TMEM53: variants seen among roughly 807,000 people sequenced by gnomAD.
The protein encoded by TMEM53 is transmembrane protein 53.
A neutral mutation model predicts 21.4 loss-of-function variants in TMEM53; 14 were observed. The observed-to-expected ratio is 0.65, with a 90% CI of 0.43 to 1.02. The LOEUF (loss-of-function observed/expected upper bound fraction) is 1.02, where lower values mean the gene tolerates loss of function less well. Ranked by LOEUF, TMEM53 falls within the 50% of genes least tolerant of loss-of-function variation. The probability of loss-of-function intolerance (pLI) is 0.00; values close to 1 mark genes in which losing one functional copy is unlikely to be tolerated. For synonymous variants in TMEM53, 148 were observed against 157.4 expected, an observed-to-expected ratio of 0.94 and a Z score of 0.45; for missense variants, 323 against 383.6, an observed-to-expected ratio of 0.84 and a Z score of 1.32.
chr1:44,664,808 A>T (rs76792128), intron 1 of TMEM53, among the ~76,000 whole-genome samples: 34,722 of 151,994 alleles, frequency 0.23, 5,258 homozygotes, highest in Middle Eastern at 0.35. Context: ...AGCTACTATT[A>T]CTATCCCCAT....
chr1:44,661,636 TAAC>T (rs1054623887), intron 1 of TMEM53, among the ~76,000 whole-genome samples: 5 of 152,154 alleles, frequency 3.3e-5, no homozygotes, highest in African/African-American at 7.2e-5. Context: ...TTAACCCTTA[TAAC>T]AATACTCTAA....
intron 1 of TMEM53, among the ~76,000 whole-genome samples, chr1:44,671,593 C>G (rs1212168629): frequency 6.6e-6 from 1 of 152,104 alleles, no homozygotes; most frequent in Admixed American, 6.5e-5. Context: ...AAGACTCTGT[C>G]TCCATATAAG....
At chr1:44,674,122 CG>C (rs777028510) in intron 1 of TMEM53, 961 of 985,124 alleles carry the variant, frequency 9.8e-4, no homozygotes, top group Non-Finnish European at 1.1e-3. Context: ...CGGGCAGAGG[CG>C]GGGCTCGCCA....
At chr1:44,664,920 G>A (rs1364971674) in intron 1 of TMEM53, among the ~76,000 whole-genome samples, 5 of 151,870 alleles carry the variant, frequency 3.3e-5, no homozygotes, top group South Asian at 2.1e-4. Context: ...CCGGACCAGC[G>A]TGCTCTACCG....
chr1:44,663,301 C>T (rs1213346399), intron 1 of TMEM53, among the ~76,000 whole-genome samples: 1 of 152,142 alleles, frequency 6.6e-6, no homozygotes, highest in Non-Finnish European at 1.5e-5. Flanking sequence ...AGTGAAGTGG[C>T]GCGATCTTGG....
intron 1 of TMEM53, among the ~76,000 whole-genome samples, chr1:44,663,007 A>G (rs1443826504): frequency 1.3e-5 from 2 of 152,168 alleles, no homozygotes; most frequent in East Asian, 3.9e-4. Context: ...GGCACCCTGG[A>G]GAGACTGCCT....
chr1:44,663,479 A>C (rs1336001650), intron 1 of TMEM53, among the ~76,000 whole-genome samples: 1 of 152,126 alleles, frequency 6.6e-6, no homozygotes, highest in Non-Finnish European at 1.5e-5. Context: ...GAGCTCAGGC[A>C]ATCCACCCGC....
In TMEM53 at chr1:44,674,439, T is replaced by G. The variant is rs113477151; in HGVS notation, c.-48A>C. ...ACGGGTCTCCAGCCGGAACTCCCGCTTGCGCACCCGTGCCTCACCCGGGCG... is the reference window on the plus strand; with the variant it reads ...ACGGGTCTCCAGCCGGAACTCCCGCGTGCGCACCCGTGCCTCACCCGGGCG... On this transcript the variant is annotated 5_prime_UTR_variant, in exon 1 of 3. Transcript: ENST00000372237. The G allele has an allele frequency of 0.016, 25,147 of 1,579,358 alleles. 827 individuals are homozygous for G. Among genetic ancestry groups the G allele is most frequent in the Admixed American group, 0.11 (5,886 of 53,652 alleles).
chr1:44,656,461 C>A (rs1271754951), intron 2 of TMEM53, among the ~76,000 whole-genome samples: 1 of 152,148 alleles, frequency 6.6e-6, no homozygotes, highest in African/African-American at 2.4e-5. Context: ...AGCCGCCTGA[C>A]CTCCTAGCCC....
chr1:44,667,868 A>G (rs1281554303), intron 1 of TMEM53, among the ~76,000 whole-genome samples: 1 of 152,154 alleles, frequency 6.6e-6, no homozygotes. Flanking sequence ...CAACCCTAGC[A>G]CTTCTCGAGT....
chr1:44,668,471 G>T (rs1319228646), intron 1 of TMEM53, among the ~76,000 whole-genome samples: 1 of 151,958 alleles, frequency 6.6e-6, no homozygotes, highest in South Asian at 2.1e-4. Context: ...GCAAAAAATT[G>T]AAAGAGTCTT....
Position 44,653,328 on chromosome 1 carries a change from G to A in TMEM53, c.*1231C>T, listed in dbSNP as rs1573213018. ...GACTTCTAGAATGATCAATGATACT[G>A]AACTATCAGGCTGAATTCACCTCTT... On this transcript the variant is annotated 3_prime_UTR_variant, in exon 3 of 3. Transcript: ENST00000372237. The A allele has an allele frequency of 6.6e-6, 1 of 152,222 alleles. No individual in the cohort carries two copies. Among genetic ancestry groups the A allele is most frequent in the Admixed American group, 6.5e-5 (1 of 15,278 alleles). The allele number at this position is 152,222 out of a possible 1,614,324, so 9.4% of individuals were successfully genotyped here. A position where few individuals can be genotyped will look rare whatever the true frequency, so the allele number is the denominator to read the frequency against.
At chr1:44,673,255 A>G (rs1238256621) in intron 1 of TMEM53, among the ~76,000 whole-genome samples, 5 of 152,238 alleles carry the variant, frequency 3.3e-5, no homozygotes, top group Non-Finnish European at 7.3e-5. Context: ...CTCCAACCAA[A>G]GAACATGAGA....
intron 1 of TMEM53, among the ~76,000 whole-genome samples, chr1:44,663,668 G>A (rs1291273675): frequency 6.6e-6 from 1 of 152,100 alleles, no homozygotes; most frequent in African/African-American, 2.4e-5. Context: ...CCTTCCTGCT[G>A]CTGACATCTG....
intron 1 of TMEM53, among the ~76,000 whole-genome samples, chr1:44,663,927 A>T (rs940955572): frequency 3.9e-5 from 6 of 152,188 alleles, no homozygotes; most frequent in African/African-American, 1.2e-4. Flanking sequence ...TTGGGAGGCC[A>T]AAGCAGGCAG....
At chr1:44,674,221 C>A (rs1371994248) in intron 1 of TMEM53, 110 bp downstream of exon 1, 2 of 1,456,316 alleles carry the variant, frequency 1.4e-6, no homozygotes, top group Non-Finnish European at 1.8e-6. Context: ...TATGAGGGGG[C>A]GGCCCGAGGG....
Position 44,659,050 on chromosome 1 carries a change from C to A in TMEM53, c.183+1124G>T, listed in dbSNP as rs145347328. On this transcript the variant is annotated intron_variant, in intron 2 of 2. Transcript: ENST00000372237. The stretch of plus-strand genomic sequence containing the variant: ...AGCCAGACAAGCCGAGCCCAGTGAG[C>A]AGAACTCGCAGCTGAAACTGCCCGC... 3.0e-3 allele frequency among the ~76,000 whole-genome samples: 454 copies of A among 152,318 alleles called. 3 individuals are homozygous for A. Among genetic ancestry groups the A allele is most frequent in the African/African-American group, 0.01 (432 of 41,564 alleles).
intron 1 of TMEM53, 132 bp downstream of exon 1, chr1:44,674,199 C>A: frequency 7.2e-7 from 1 of 1,398,188 alleles, no homozygotes; most frequent in Non-Finnish European, 9.3e-7. Context: ...AAGTCTAGGA[C>A]CTGCCAGACC....
intron 1 of TMEM53, among the ~76,000 whole-genome samples, chr1:44,669,960 G>A (rs547937569): frequency 3.3e-5 from 5 of 151,712 alleles, no homozygotes; most frequent in East Asian, 1.9e-4. Flanking sequence ...CACCACACCC[G>A]GCTAATTTTG....
Sources: gnomAD v4.1 joint callset for allele counts (sites outside exome capture counted in the v4.1 genomes callset) on GRCh38, gnomAD v4.1.1 for gene constraint, MANE v1.5 for transcripts, NCBI Gene and HGNC (gene_info 2026-07-23, HGNC 2026-07-21) for gene names.